PCDHA1: variants seen among roughly 807,000 people sequenced by gnomAD.
PCDHA1 encodes the protein protocadherin alpha-1.
A neutral mutation model predicts 61.3 loss-of-function variants in PCDHA1; 42 were observed. The ratio of observed to expected loss-of-function variants is 0.69; its 90% confidence interval spans 0.54 to 0.89. PCDHA1 has a LOEUF of 0.89. PCDHA1 is among the 40% of genes least tolerant of loss of function. The pLI is 0.00. For synonymous variants in PCDHA1, 610 were observed against 553.8 expected, an observed-to-expected ratio of 1.10 and a Z score of -1.43; for missense variants, 1,256 against 1,235.3, an observed-to-expected ratio of 1.02 and a Z score of -0.25.
intron 1 of PCDHA1, chr5:140,883,392 C>T (rs1554178015): frequency 1.9e-6 from 3 of 1,614,184 alleles, no homozygotes; most frequent in South Asian, 2.2e-5. Flanking sequence ...ATCAGTGTGT[C>T]CGATCGTGAC....
At chr5:140,801,656 G>C in intron 1 of PCDHA1, 3 of 1,614,186 alleles carry the variant, frequency 1.9e-6, no homozygotes, top group Admixed American at 1.7e-5. Context: ...CTCGGTTTTC[G>C]CTAGAGGGCG....
intron 1 of PCDHA1, among the ~76,000 whole-genome samples, chr5:140,789,349 G>A (rs1459378515): frequency 6.6e-6 from 1 of 152,152 alleles, no homozygotes; most frequent in Non-Finnish European, 1.5e-5. Context: ...CTAATGGGGA[G>A]GCTGAGGCAG....
chr5:140,865,961 T>C (rs1314413159), intron 1 of PCDHA1: 9 of 152,210 alleles, frequency 5.9e-5, no homozygotes, highest in Admixed American at 5.9e-4. Context: ...ATTAATTTTG[T>C]ACAATGTGTG....
chr5:140,946,271 A>G (rs2093916351), intron 1 of PCDHA1, among the ~76,000 whole-genome samples: 1 of 152,058 alleles, frequency 6.6e-6, no homozygotes, highest in Non-Finnish European at 1.5e-5. Context: ...GCGAATTAAA[A>G]CCCCAATGAG....
chr5:140,844,595 A>G (rs2150372413), intron 1 of PCDHA1, among the ~76,000 whole-genome samples: 1 of 149,668 alleles, frequency 6.7e-6, no homozygotes, highest in East Asian at 1.9e-4. Flanking sequence ...GATATTTAAT[A>G]TATGACTTAG....
intron 1 of PCDHA1, among the ~76,000 whole-genome samples, chr5:140,954,934 T>A (rs1417357535): frequency 2.6e-5 from 4 of 152,208 alleles, no homozygotes; most frequent in African/African-American, 9.6e-5. Flanking sequence ...TTAATTAATC[T>A]TGAGTTAATT....
intron 1 of PCDHA1, among the ~76,000 whole-genome samples, chr5:140,919,151 G>A (rs1246862771): frequency 2.6e-5 from 4 of 152,122 alleles, no homozygotes; most frequent in African/African-American, 9.7e-5. Flanking sequence ...ATTATTAGAT[G>A]CAAGTATGTT....
At chr5:140,884,112 C>T (rs2153400405) in intron 1 of PCDHA1, 1 of 1,613,306 alleles carries the variant, frequency 6.2e-7, no homozygotes. Flanking sequence ...CAGCTGGCGG[C>T]GGTCGGCGCG....
chr5:140,802,705 C>T (rs782128283), intron 1 of PCDHA1: 29 of 1,612,318 alleles, frequency 1.8e-5, no homozygotes, highest in Non-Finnish European at 2.5e-6. Context: ...GGGGAGCGCG[C>T]GCTGTCGAGC....
Position 140,877,431 on chromosome 5 carries a change from C to T in PCDHA1, c.2394+88747C>T, listed in dbSNP as rs782442127. 8.1e-6 allele frequency: 13 copies of T among 1,613,836 alleles called. No homozygotes were observed. The Admixed American group carries it at 2.2e-4, about 27-fold the overall frequency. On this transcript the variant is annotated intron_variant, in intron 1 of 3. Transcript: ENST00000504120. ...ACCGCCTGCTGGTGCTGGTGAAGGA[C>T]CACGGTGAGCCCGCGCTGACGTCCA...
Position 140,786,621 on chromosome 5 carries a change from G to C in PCDHA1, c.331G>C (p.Asp111His). 6.2e-7 allele frequency: 1 copy of C among 1,614,260 alleles called. No individual in the cohort carries two copies. Among genetic ancestry groups the C allele is most frequent in the Non-Finnish European group, 8.5e-7 (1 of 1,180,056 alleles). ...CAGCATCCACCTGGAGTTGATCGCC[G>C]ACAGGCCGCTGCAGGTTTTCCATGT... ...ECSIHLELIA[D>H]RPLQVFHVEV... The change falls in exon 1 of 4, where the codon GAC becomes CAC. Residue 111 changes from aspartate to histidine, a missense_variant. By Grantham distance (81) the Asp-to-His change is moderately conservative (BLOSUM62 -1). Transcript: ENST00000504120.
At chr5:140,895,292 C>T (rs1032250917) in intron 1 of PCDHA1, among the ~76,000 whole-genome samples, 11 of 152,044 alleles carry the variant, frequency 7.2e-5, no homozygotes, top group Non-Finnish European at 1.2e-4. Flanking sequence ...TTAGGACCTT[C>T]GATTTCCCCC....
intron 1 of PCDHA1, among the ~76,000 whole-genome samples, chr5:140,909,861 A>C (rs782745985): frequency 6.6e-6 from 1 of 152,186 alleles, no homozygotes. Context: ...GGTCCCCTGG[A>C]GTCAACGTCA....
rs782449567 is a variant in PCDHA1, at chr5:140,928,010, G to T, written c.2395-50939G>T. 4.3e-6 allele frequency: 7 copies of T among 1,614,168 alleles called. No individual in the cohort carries two copies. In the South Asian group the frequency reaches 6.6e-5, roughly 15 times the overall value. On this transcript the variant is annotated intron_variant, in intron 1 of 3. Coordinates refer to ENST00000504120, the MANE Select transcript of PCDHA1 (RefSeq NM_018900.4). Reference sequence around the variant, plus strand: ...AAGGATGAAGACCTCGATTCTAATGGTAGGGTCATTTGTGGCATGTCTAGT... The same window carrying T: ...AAGGATGAAGACCTCGATTCTAATGTTAGGGTCATTTGTGGCATGTCTAGT...
At chr5:140,807,087 TG>T in intron 1 of PCDHA1, 1 of 1,343,050 alleles carries the variant, frequency 7.4e-7, no homozygotes, top group Non-Finnish European at 1.0e-6. Flanking sequence ...CTTTGGAGTC[TG>T]AAATATGGAG....
At chr5:140,824,609 A>ATTTTTT (rs1554129932) in intron 1 of PCDHA1, 2 of 76,944 alleles carry the variant, frequency 2.6e-5, no homozygotes, top group Admixed American at 1.4e-4. Context: ...TGCTAATTAA[A>ATTTTTT]GTTTTTTTTT....
chr5:140,796,436 C>T, intron 1 of PCDHA1: 1 of 1,613,576 alleles, frequency 6.2e-7, no homozygotes, highest in Non-Finnish European at 8.5e-7. Flanking sequence ...GCGCTGGTGT[C>T]CTACTCGCTG....
At chr5:141,005,422 A>G (rs1383654342) in intron 3 of PCDHA1, among the ~76,000 whole-genome samples, 3 of 152,132 alleles carry the variant, frequency 2.0e-5, no homozygotes, top group African/African-American at 7.2e-5. Flanking sequence ...AGTCATGCTA[A>G]GAATGGATGA....
At chr5:140,989,140 C>A (rs2153881117) in intron 3 of PCDHA1, among the ~76,000 whole-genome samples, 1 of 152,290 alleles carries the variant, frequency 6.6e-6, no homozygotes, top group East Asian at 1.9e-4. Context: ...CACTTTATCC[C>A]TTCTTTTGTT....
Sources: gnomAD v4.1 joint callset for allele counts (sites outside exome capture counted in the v4.1 genomes callset) on GRCh38, gnomAD v4.1.1 for gene constraint, MANE v1.5 for transcripts, NCBI Gene and HGNC (gene_info 2026-07-23, HGNC 2026-07-21) for gene names.